The following CFAP61 variants were observed in gnomAD, a reference collection of about 807,000 sequenced individuals.
The protein encoded by CFAP61 is cilia and flagella associated protein 61.
In CFAP61, 107 loss-of-function variants were observed where a neutral mutation model predicts 135.6. That is an observed-to-expected ratio of 0.79 (90% CI 0.67 to 0.93). The LOEUF is 0.93. Among genes scored for constraint, CFAP61 ranks in the 40% least tolerant of loss-of-function variants. The probability of loss-of-function intolerance (pLI) is 0.00; values close to 1 mark genes in which losing one functional copy is unlikely to be tolerated. For synonymous variants in CFAP61, 575 were observed against 578.5 expected, an observed-to-expected ratio of 0.99 and a Z score of 0.09; for missense variants, 1,507 against 1,556.2, an observed-to-expected ratio of 0.97 and a Z score of 0.53.
At chr20:20,150,360 G>C (rs935585924) in intron 9 of CFAP61, among the ~76,000 whole-genome samples, 1 of 152,122 alleles carries the variant, frequency 6.6e-6, no homozygotes, top group Non-Finnish European at 1.5e-5. Context: ...TTCTTATCCT[G>C]GCCAACACAG....
intron 6 of CFAP61, among the ~76,000 whole-genome samples, chr20:20,081,335 T>A (rs186467430): frequency 6.6e-6 from 1 of 152,336 alleles, no homozygotes; most frequent in Non-Finnish European, 1.5e-5. Flanking sequence ...GAATTATCAT[T>A]TTCTGGAGGT....
chr20:20,194,129 C>T (rs2056120440), intron 15 of CFAP61, among the ~76,000 whole-genome samples: 1 of 152,162 alleles, frequency 6.6e-6, no homozygotes, highest in Non-Finnish European at 1.5e-5. Context: ...TCTATGATTT[C>T]ATTAATTATT....
At chr20:20,206,914 G>A (rs1400834269) in intron 17 of CFAP61, among the ~76,000 whole-genome samples, 2 of 152,038 alleles carry the variant, frequency 1.3e-5, no homozygotes, top group African/African-American at 4.8e-5. Context: ...GATCAGATTC[G>A]GCATTCTGGC....
intron 9 of CFAP61, among the ~76,000 whole-genome samples, chr20:20,146,490 C>A (rs916121987): frequency 1.3e-5 from 2 of 152,180 alleles, no homozygotes; most frequent in Non-Finnish European, 2.9e-5. Context: ...CAGACAAACA[C>A]AATATGCATC....
chr20:20,177,612 A>G (rs1367264759), intron 13 of CFAP61, among the ~76,000 whole-genome samples: 1 of 151,682 alleles, frequency 6.6e-6, no homozygotes, highest in Non-Finnish European at 1.5e-5. Flanking sequence ...TACATGTGCC[A>G]GCTTTATCCC....
At chr20:20,074,228 C>A in intron 3 of CFAP61, 74 bp from the exon 4 acceptor site, 1 of 1,240,550 alleles carries the variant, frequency 8.1e-7, no homozygotes, top group Non-Finnish European at 1.2e-6. Context: ...GCCCCGAAAC[C>A]CTCTTTCCAC....
intron 9 of CFAP61, among the ~76,000 whole-genome samples, chr20:20,147,492 A>G (rs1357322055): frequency 1.3e-5 from 2 of 152,168 alleles, no homozygotes; most frequent in Non-Finnish European, 2.9e-5. Context: ...TTTCTTGATG[A>G]TTAGTGATGT....
At chr20:20,069,035 G>C (rs943905213) in intron 2 of CFAP61, among the ~76,000 whole-genome samples, 2 of 151,908 alleles carry the variant, frequency 1.3e-5, no homozygotes, top group Admixed American at 6.5e-5. Context: ...GAGCCACCGC[G>C]CCCGGCCTTT....
intron 17 of CFAP61, chr20:20,220,984 A>C (rs139006429): frequency 6.6e-6 from 1 of 152,340 alleles, no homozygotes; most frequent in East Asian, 1.9e-4. Context: ...AATGCAAGTC[A>C]GGTAATTGGT....
At position 20,187,930 on chromosome 20, in the gene CFAP61, G is replaced by A; in HGVS notation, c.1386G>A (p.Lys462=). The change falls in exon 14 of 27, where the codon AAG becomes AAA. Residue 462 remains lysine (K), a splice_region_variant and synonymous_variant. Transcript: ENST00000245957. ...AAAATATATTCCTCTCCTTACCCAG[G>A]TCCATTAATATAAGATTTGCCACTC... The part of the protein sequence containing the change: ...LYVFHRAGLL[K]SINIRFATLL... 6.2e-7 allele frequency: 1 copy of A among 1,611,942 alleles called. No individual in the cohort carries two copies. Among genetic ancestry groups the A allele is most frequent in the Non-Finnish European group, 8.5e-7 (1 of 1,178,158 alleles).
intron 12 of CFAP61, among the ~76,000 whole-genome samples, chr20:20,168,500 A>G (rs2053991078): frequency 6.6e-6 from 1 of 152,242 alleles, no homozygotes; most frequent in Admixed American, 6.5e-5. Flanking sequence ...CTAAATTTTC[A>G]TCAGAAATAG....
At chr20:20,343,109 G>A (rs1371941473) in intron 26 of CFAP61, among the ~76,000 whole-genome samples, 1 of 152,078 alleles carries the variant, frequency 6.6e-6, no homozygotes, top group Non-Finnish European at 1.5e-5. Flanking sequence ...CGCCCGCCTC[G>A]GCCTCCCAAA....
At chr20:20,203,185 C>T (rs190107874) in intron 17 of CFAP61, among the ~76,000 whole-genome samples, 14 of 152,142 alleles carry the variant, frequency 9.2e-5, no homozygotes, top group Non-Finnish European at 1.8e-4. Context: ...AAAAAAGAGC[C>T]TAGAAAACAT....
rs2053837757 is a variant in CFAP61 at position 20,166,428 on chromosome 20, C to G, written c.1237C>G (p.Leu413Val). The G allele has an allele frequency of 6.2e-7, 1 of 1,612,986 alleles. No individual in the cohort carries two copies. Among genetic ancestry groups the G allele is most frequent in the African/African-American group, 1.3e-5 (1 of 74,884 alleles). ...GGATTTTATGAATTTTGTTTTCAGTCTTTTTTCTGTAAGTACATGCTGAAT... is the reference window on the plus strand; with the variant it reads ...GGATTTTATGAATTTTGTTTTCAGTGTTTTTTCTGTAAGTACATGCTGAAT... ...SLDFMNFVFS[L>V]FSDKNFCVIS... Residue 413 changes from leucine (L) to valine (V), a missense_variant, in exon 12 of 27, where the codon CTT becomes GTT. By Grantham distance (32) the Leu-to-Val change is conservative (BLOSUM62 1). Coordinates refer to ENST00000245957, the MANE Select transcript of CFAP61 (RefSeq NM_015585.4).
chr20:20,354,275 G>C (rs1194328296), intron 26 of CFAP61, among the ~76,000 whole-genome samples: 1 of 152,172 alleles, frequency 6.6e-6, no homozygotes, highest in Admixed American at 6.5e-5. Context: ...GCTGAGGCAG[G>C]TGGATCATTT....
intron 9 of CFAP61, among the ~76,000 whole-genome samples, chr20:20,152,334 A>T (rs1254444057): frequency 6.6e-6 from 1 of 152,304 alleles, no homozygotes; most frequent in African/African-American, 2.4e-5. Flanking sequence ...GTATTCAGGC[A>T]ACAACTAGCA....
intron 20 of CFAP61, among the ~76,000 whole-genome samples, chr20:20,260,147 T>A (rs1341674624): frequency 6.6e-6 from 1 of 152,220 alleles, no homozygotes; most frequent in Non-Finnish European, 1.5e-5. Context: ...GCCTACAAAC[T>A]CCTCTTAGTG....
chr20:20,282,784 T>A (rs2054295956), intron 22 of CFAP61, among the ~76,000 whole-genome samples: 1 of 151,828 alleles, frequency 6.6e-6, no homozygotes, highest in Non-Finnish European at 1.5e-5. Context: ...ACTAAACATA[T>A]GAAAATTAGC....
In CFAP61 at chr20:20,191,399, G is replaced by A. The variant is rs763956185; in HGVS notation, c.1570G>A (p.Ala524Thr). The A allele has an allele frequency of 3.1e-6, 5 of 1,610,202 alleles. No individual in the cohort carries two copies. The East Asian group carries it at 6.7e-5, about 22-fold the overall frequency. ...AGTTGCAGAACAAATAGTTGGTATT[G>A]CAGTGATCAGAAATGAAATGGTAAA... The part of the protein sequence containing the change: ...AEVAEQIVGI[A>T]VIRNEMDIEY... Residue 524 changes from alanine (A) to threonine (T), a missense_variant, in exon 15 of 27, where the codon GCA becomes ACA. By Grantham distance (58) the Ala-to-Thr change is moderately conservative. Coordinates refer to ENST00000245957, the MANE Select transcript of CFAP61 (RefSeq NM_015585.4).
Sources: gnomAD v4.1 joint callset for allele counts (sites outside exome capture counted in the v4.1 genomes callset) on GRCh38, gnomAD v4.1.1 for gene constraint, MANE v1.5 for transcripts, NCBI Gene and HGNC (gene_info 2026-07-23, HGNC 2026-07-21) for gene names.